RBFOX1: variants seen among roughly 807,000 people sequenced by gnomAD.
RBFOX1 encodes RNA binding protein fox-1 homolog 1.
Under a neutral mutation model 57.7 loss-of-function variants are expected in RBFOX1, and 8 were observed. The observed-to-expected ratio is 0.14, with a 90% confidence interval of 0.08 to 0.25. The LOEUF is 0.25. RBFOX1 is among the 10% of genes least tolerant of loss of function. The pLI, the probability that RBFOX1 is intolerant of heterozygous loss-of-function variation, is 1.00. For synonymous variants in RBFOX1, 326 were observed against 222.4 expected (o/e 1.47, Z -4.15); for missense variants, 611 against 548.5 (o/e 1.11, Z -1.14).
intron 1 of RBFOX1, among the ~76,000 whole-genome samples, chr16:6,091,071 CT>C (rs1438942861): frequency 5.3e-5 from 8 of 152,168 alleles, no homozygotes; most frequent in Non-Finnish European, 2.9e-5. Context: ...TTCAAATCTT[CT>C]TTTCTAGCTA....
At chr16:5,822,866 C>A (rs528045505) in intron 3 of RBFOX1, among the ~76,000 whole-genome samples, 5 of 152,296 alleles carry the variant, frequency 3.3e-5, no homozygotes, top group African/African-American at 1.2e-4. Flanking sequence ...GAGTGTGTTG[C>A]TTAAAATGCA....
At chr16:5,650,894 T>C (rs1191914536) in intron 3 of RBFOX1, among the ~76,000 whole-genome samples, 2 of 150,576 alleles carry the variant, frequency 1.3e-5, no homozygotes, top group Non-Finnish European at 2.9e-5. Context: ...AACACCTTCC[T>C]GTCTCCTCAC....
At chr16:6,602,376 G>A (rs1482654855) in intron 2 of RBFOX1, among the ~76,000 whole-genome samples, 1 of 152,060 alleles carries the variant, frequency 6.6e-6, no homozygotes, top group Non-Finnish European at 1.5e-5. Flanking sequence ...TTTGTCCTGA[G>A]CTGTTTATAA....
rs1412856319 is a variant in RBFOX1 at position 5,947,562 on chromosome 16, A to G, written c.351+80227A>G. 2.0e-5 allele frequency among the ~76,000 whole-genome samples: 3 copies of G among 152,152 alleles called. No individual in the cohort carries two copies. Among genetic ancestry groups the G allele is most frequent in the Admixed American group, 1.3e-4 (2 of 15,274 alleles). On this transcript the variant is annotated intron_variant, in intron 4 of 19. Transcript: ENST00000641259. The surrounding 1 kb of genome is among the most constrained non-coding windows in gnomAD (Gnocchi z 7.2). ...GGTGTCAGACTCCTAGCCCCAAGCA[A>G]TTCTCACATATCAGCCTCCCAAAGT...
At chr16:6,601,657 A>T (rs1364410424) in intron 2 of RBFOX1, among the ~76,000 whole-genome samples, 6 of 152,166 alleles carry the variant, frequency 3.9e-5, no homozygotes, top group African/African-American at 1.4e-4. Context: ...TCAGAGGTAC[A>T]TATTAAAAAG....
At chr16:5,495,699 C>T (rs1673242410) in intron 2 of RBFOX1, among the ~76,000 whole-genome samples, 1 of 152,220 alleles carries the variant, frequency 6.6e-6, no homozygotes, top group African/African-American at 2.4e-5. Context: ...CATCGTAAAC[C>T]ACACACCCAT....
chr16:5,361,787 GC>G (rs1432295182), intron 1 of RBFOX1, among the ~76,000 whole-genome samples: 1 of 152,204 alleles, frequency 6.6e-6, no homozygotes, highest in Admixed American at 6.5e-5. Context: ...AGGTGAGCCT[GC>G]CTGGTTTTCA....
chr16:6,213,574 C>T (rs1302962967), intron 1 of RBFOX1, among the ~76,000 whole-genome samples: 2 of 152,136 alleles, frequency 1.3e-5, no homozygotes, highest in Non-Finnish European at 2.9e-5. Flanking sequence ...TGAAAAGTTG[C>T]GTAAGTCATG....
At chr16:6,568,306 G>C (rs1472690401) in intron 2 of RBFOX1, among the ~76,000 whole-genome samples, 2 of 152,166 alleles carry the variant, frequency 1.3e-5, no homozygotes, top group East Asian at 3.9e-4. Flanking sequence ...ACTGCTTCTA[G>C]ACTCACTCAT....
intron 4 of RBFOX1, among the ~76,000 whole-genome samples, chr16:7,109,288 C>G (rs778257186): frequency 6.6e-6 from 1 of 152,186 alleles, no homozygotes; most frequent in Non-Finnish European, 1.5e-5. Flanking sequence ...GGTTGCTATT[C>G]TGTCCCCCTT....
At chr16:5,657,607 G>GCT (rs1555495011) in intron 3 of RBFOX1, among the ~76,000 whole-genome samples, 2 of 94,184 alleles carry the variant, frequency 2.1e-5, no homozygotes, top group Non-Finnish European at 4.5e-5. Flanking sequence ...TTTCTCGCTC[G>GCT]CTTTCTTTCT....
At chr16:7,340,494 C>T (rs932882541) in intron 4 of RBFOX1, among the ~76,000 whole-genome samples, 5 of 152,200 alleles carry the variant, frequency 3.3e-5, no homozygotes, top group Non-Finnish European at 7.3e-5. Flanking sequence ...ATGTCTTCCA[C>T]TCGTGTATTT....
At chr16:5,702,269 C>T (rs13330856) in intron 3 of RBFOX1, among the ~76,000 whole-genome samples, 8,972 of 152,246 alleles carry the variant, frequency 0.059, 858 homozygotes, top group African/African-American at 0.2. Context: ...CAAGCCCCTT[C>T]TTCACATGCC....
intron 1 of RBFOX1, among the ~76,000 whole-genome samples, chr16:6,289,710 G>A (rs2077266401): frequency 6.6e-6 from 1 of 152,150 alleles, no homozygotes; most frequent in African/African-American, 2.4e-5. Context: ...AAATGAAAAG[G>A]TAAGGATGGT....
At chr16:5,601,556 G>A (rs188756769), downstream of RBFOX1, 16 of 152,290 alleles carry the variant, frequency 1.1e-4, no homozygotes, top group East Asian at 2.7e-3. Context: ...CGAGTACCTG[G>A]AGGAGGGATC....
At chr16:5,787,860 A>G (rs117443895) in intron 3 of RBFOX1, among the ~76,000 whole-genome samples, 1 of 152,238 alleles carries the variant, frequency 6.6e-6, no homozygotes, top group Non-Finnish European at 1.5e-5. Flanking sequence ...ATGCATTGCA[A>G]TTGCAGTGTT....
chr16:6,796,410 G>C (rs1160126492), intron 3 of RBFOX1, among the ~76,000 whole-genome samples: 1 of 152,060 alleles, frequency 6.6e-6, no homozygotes, highest in Non-Finnish European at 1.5e-5. Flanking sequence ...GCAAACTTGA[G>C]CCCGATTCCT....
chr16:5,539,808 T>C (rs930877175), intron 2 of RBFOX1, among the ~76,000 whole-genome samples: 17 of 152,186 alleles, frequency 1.1e-4, no homozygotes, highest in African/African-American at 4.1e-4. Flanking sequence ...CATTATCATC[T>C]TGGAAAGTTG....
chr16:7,609,803 TTTTGTTTGTTTG>T (rs138776547), intron 10 of RBFOX1, among the ~76,000 whole-genome samples: 7 of 150,054 alleles, frequency 4.7e-5, no homozygotes, highest in Admixed American at 2.0e-4. Context: ...ACTGGTGGGG[TTTTGTTTGTTTG>T]TTTGTTTGTT....
Sources: allele counts gnomAD v4.1 joint callset (sites outside exome capture counted in the v4.1 genomes callset), GRCh38; gene constraint gnomAD v4.1.1; non-coding constraint Gnocchi (gnomAD v3.1); transcripts MANE v1.5; gene names NCBI Gene and HGNC (gene_info 2026-07-23, HGNC 2026-07-21).